RCOR1: variants seen among roughly 807,000 people sequenced by gnomAD.
RCOR1 encodes REST corepressor.
RCOR1 carries 12 observed loss-of-function variants against 64.0 expected under a neutral mutation model. The ratio of observed to expected loss-of-function variants is 0.19; its 90% CI spans 0.12 to 0.30. The LOEUF is 0.30. Among genes scored for constraint, RCOR1 ranks in the 10% least tolerant of loss-of-function variants. RCOR1 has a pLI of 1.00. For missense variants in RCOR1, 502 were observed against 621.2 expected (o/e 0.81, Z 2.04); for synonymous variants, 279 against 227.2 (o/e 1.23, Z -2.05).
intron 4 of RCOR1, among the ~76,000 whole-genome samples, chr14:102,705,146 G>A (rs962735086): frequency 1.3e-5 from 2 of 151,864 alleles, no homozygotes; most frequent in South Asian, 4.2e-4. Context: ...AAAAAGAGGG[G>A]GGAAAGAAGC....
rs1893645146 is a variant in RCOR1 at position 102,612,103 on chromosome 14, G to T, written c.361+18778G>T. 2.6e-5 allele frequency among the ~76,000 whole-genome samples: 4 copies of T among 152,002 alleles called. No homozygotes were observed. The South Asian group carries it at 8.3e-4, about 32-fold the overall frequency. On this transcript the variant is annotated intron_variant, in intron 2 of 11. Transcript: ENST00000262241. ...ATTACAGGATTTTGCCATCACATCTGGCTAAGGGGGTGTGGAACCAGGGAC... is the reference window on the plus strand; with the variant it reads ...ATTACAGGATTTTGCCATCACATCTTGCTAAGGGGGTGTGGAACCAGGGAC...
Position 102,722,985 on chromosome 14 carries a change from A to G in RCOR1, c.1419+569A>G, listed in dbSNP as rs182698320. On this transcript the variant is annotated intron_variant, in intron 11 of 11. Coordinates refer to ENST00000262241, the MANE Select transcript of RCOR1 (RefSeq NM_015156.4). ...ATGGTGGCTAATTTCTGGAATGATAACCCTGGTCTCATCTGTCACCTCCCT... is the reference window on the plus strand; with the variant it reads ...ATGGTGGCTAATTTCTGGAATGATAGCCCTGGTCTCATCTGTCACCTCCCT... Among the ~76,000 whole-genome samples the G allele has an allele frequency of 1.2e-3, 181 of 152,154 alleles. 1 individual carries two copies. The Middle Eastern group carries it at 0.058, about 49-fold the overall frequency.
At chr14:102,723,299 C>A (rs1037530172) in intron 11 of RCOR1, among the ~76,000 whole-genome samples, 7 of 152,212 alleles carry the variant, frequency 4.6e-5, no homozygotes, top group African/African-American at 1.7e-4. Context: ...AAGGGCCTGG[C>A]TCTGGAAACA....
intron 3 of RCOR1, among the ~76,000 whole-genome samples, chr14:102,688,613 G>T (rs965010036): frequency 2.0e-5 from 3 of 152,284 alleles, no homozygotes; most frequent in South Asian, 2.1e-4. Context: ...GTCAAGTCAG[G>T]AGTATCTTAA....
intron 3 of RCOR1, among the ~76,000 whole-genome samples, chr14:102,684,078 GAGCGCTAGGAAC>G (rs1895363185): frequency 6.6e-6 from 1 of 152,214 alleles, no homozygotes; most frequent in Non-Finnish European, 1.5e-5. Flanking sequence ...GGACCCGGCT[GAGCGCTAGGAAC>G]AGGTTCCTTG....
intron 2 of RCOR1, among the ~76,000 whole-genome samples, chr14:102,640,120 C>T (rs1440775882): frequency 6.6e-6 from 1 of 152,172 alleles, no homozygotes; most frequent in Non-Finnish European, 1.5e-5. Context: ...GCTGGGATGA[C>T]AGGCGTGAGC....
intron 8 of RCOR1, among the ~76,000 whole-genome samples, chr14:102,715,777 C>T (rs1451225017): frequency 6.6e-6 from 1 of 152,162 alleles, no homozygotes; most frequent in Non-Finnish European, 1.5e-5. Context: ...TTATGTCTGG[C>T]TTTCTTTCAA....
chr14:102,681,878 T>A lies in RCOR1; in HGVS notation c.362-17T>A. 1.9e-6 allele frequency: 3 copies of A among 1,599,480 alleles called. No homozygotes were observed. Among genetic ancestry groups the A allele is most frequent in the Non-Finnish European group, 2.6e-6 (3 of 1,168,196 alleles). ...TGTTAAATTTTAATAAGAATTTTCT[T>A]TTTTCTTTCTCCCAAGCCAAACTGG... On this transcript the variant is annotated splice_polypyrimidine_tract_variant and intron_variant, in intron 2 of 11. Transcript: ENST00000262241.
chr14:102,646,984 G>A (rs571557756), intron 2 of RCOR1, among the ~76,000 whole-genome samples: 1 of 152,308 alleles, frequency 6.6e-6, no homozygotes, highest in South Asian at 2.1e-4. Context: ...ATTGGTTCAG[G>A]AGCTCCAACA....
chr14:102,604,077 CCT>C (rs1893455318), intron 2 of RCOR1, among the ~76,000 whole-genome samples: 1 of 151,968 alleles, frequency 6.6e-6, no homozygotes, highest in Non-Finnish European at 1.5e-5. Context: ...GGTGTATACC[CCT>C]GATTTCTAAG....
intron 7 of RCOR1, among the ~76,000 whole-genome samples, chr14:102,711,602 C>T (rs1033891399): frequency 6.6e-6 from 1 of 152,138 alleles, no homozygotes; most frequent in Non-Finnish European, 1.5e-5. Context: ...TTGCATGTAA[C>T]TTTTACATAG....
chr14:102,617,750 T>A (rs1893791572), intron 2 of RCOR1, among the ~76,000 whole-genome samples: 1 of 151,702 alleles, frequency 6.6e-6, no homozygotes. Context: ...CCACCATACC[T>A]GGCTAATTTT....
At chr14:102,678,932 G>A (rs1180302400) in intron 2 of RCOR1, among the ~76,000 whole-genome samples, 2 of 152,056 alleles carry the variant, frequency 1.3e-5, no homozygotes, top group South Asian at 4.1e-4. Flanking sequence ...CTACTTTGGC[G>A]AAGTGACTGT....
intron 2 of RCOR1, among the ~76,000 whole-genome samples, chr14:102,652,163 C>T (rs926706980): frequency 4.6e-5 from 7 of 152,154 alleles, no homozygotes; most frequent in Non-Finnish European, 1.0e-4. Context: ...ATGTACCAGA[C>T]GTTTGCTACT....
At chr14:102,614,724 C>T (rs1893715737) in intron 2 of RCOR1, among the ~76,000 whole-genome samples, 1 of 151,878 alleles carries the variant, frequency 6.6e-6, no homozygotes, top group Non-Finnish European at 1.5e-5. Context: ...CAGGGCCGAA[C>T]TCTATAAACT....
chr14:102,593,412 C>T lies in RCOR1; in HGVS notation c.361+87C>T, dbSNP rs1893175722. 5 of 1,370,380 alleles carry T rather than the reference C, an allele frequency of 3.6e-6. No individual in the cohort carries two copies. In the South Asian group the frequency reaches 4.5e-5, roughly 12 times the overall value. The allele number at this position is 1,370,380 out of a possible 1,614,324, so 84.9% of individuals were successfully genotyped here. ...GCCCGAGGGGGCGGGAGCCCGCCGA[C>T]AACTTTCTTTTTGTGCGTTCGCCCT... On this transcript the variant is annotated intron_variant, in intron 2 of 11. Transcript: ENST00000262241.
intron 2 of RCOR1, chr14:102,659,372 C>A: frequency 1.7e-6 from 1 of 581,436 alleles, no homozygotes; most frequent in Non-Finnish European, 2.2e-6. Flanking sequence ...TTTGGCTATT[C>A]TGGTGGTGGG....
chr14:102,718,073 A>T (rs1432327932), intron 8 of RCOR1, among the ~76,000 whole-genome samples: 2 of 152,142 alleles, frequency 1.3e-5, no homozygotes, highest in African/African-American at 4.8e-5. Flanking sequence ...TTTAGGGTTT[A>T]TTTTTCTCAA....
intron 2 of RCOR1, 70 bp downstream of exon 2, chr14:102,593,395 G>A: frequency 2.1e-6 from 3 of 1,415,606 alleles, no homozygotes; most frequent in South Asian, 1.4e-5. Context: ...GAGCCCGAGG[G>A]GGCGGGAGCC....
Sources: allele counts gnomAD v4.1 joint callset (sites outside exome capture counted in the v4.1 genomes callset), GRCh38; gene constraint gnomAD v4.1.1; transcripts MANE v1.5; gene names NCBI Gene and HGNC (gene_info 2026-07-23, HGNC 2026-07-21).